The following RMDN2 variants were observed in gnomAD, a reference collection of about 807,000 sequenced individuals.
RMDN2 encodes regulator of microtubule dynamics 2.
In RMDN2, 61 loss-of-function variants were observed where a neutral mutation model predicts 52.8. That is an observed-to-expected ratio of 1.16 (90% CI 0.94 to 1.43). The LOEUF is 1.43. Among genes scored for constraint, RMDN2 ranks in the 40% most tolerant of loss-of-function variants. RMDN2 has a pLI of 0.00. For missense variants in RMDN2, 592 were observed against 475.3 expected (o/e 1.25, Z -2.28); for synonymous variants, 180 against 153.1 (o/e 1.18, Z -1.30).
intron 5 of RMDN2, among the ~76,000 whole-genome samples, chr2:37,983,239 C>T (rs981771174): frequency 2.6e-5 from 4 of 152,106 alleles, no homozygotes; most frequent in Admixed American, 2.0e-4. Context: ...TGTGGGTTTC[C>T]AAATTTTCAT....
intron 5 of RMDN2, among the ~76,000 whole-genome samples, chr2:37,982,285 A>C (rs1377066941): frequency 6.6e-6 from 1 of 152,202 alleles, no homozygotes. Context: ...TGCCACCAGC[A>C]GGGGGAGCTC....
chr2:37,992,217 A>G (rs1434678267), intron 7 of RMDN2, among the ~76,000 whole-genome samples: 1 of 152,242 alleles, frequency 6.6e-6, no homozygotes, highest in Non-Finnish European at 1.5e-5. Context: ...TAACTAGTCA[A>G]TGAAAGAGGC....
chr2:37,975,151 AAGAAT>A, intron 3 of RMDN2, 56 bp from the exon 4 acceptor site: 1 of 989,512 alleles, frequency 1.0e-6, no homozygotes, highest in Non-Finnish European at 1.6e-6. Flanking sequence ...AGTAGAAAAC[AAGAAT>A]AGAATAGACA....
chr2:38,056,884 G>A (rs1681872770), intron 10 of RMDN2, among the ~76,000 whole-genome samples: 1 of 152,106 alleles, frequency 6.6e-6, no homozygotes, highest in African/African-American at 2.4e-5. Context: ...CCATTTAACT[G>A]CTGCATTCTC....
intron 2 of RMDN2, among the ~76,000 whole-genome samples, chr2:37,953,356 C>A (rs1292290774): frequency 6.6e-6 from 1 of 152,008 alleles, no homozygotes; most frequent in Non-Finnish European, 1.5e-5. Flanking sequence ...TCTACTCTCT[C>A]TCCCTAGCCC....
chr2:37,934,073 T>A (rs1667089311), intron 2 of RMDN2, among the ~76,000 whole-genome samples: 2 of 152,196 alleles, frequency 1.3e-5, no homozygotes. Context: ...AAATATTAAG[T>A]GACAGTTACA....
At chr2:37,961,018 C>G (rs986679187) in intron 2 of RMDN2, among the ~76,000 whole-genome samples, 1 of 152,102 alleles carries the variant, frequency 6.6e-6, no homozygotes, top group Non-Finnish European at 1.5e-5. Context: ...ATATTGGCCC[C>G]CACTCTTTTC....
At chr2:37,983,157 A>T (rs1673557164) in intron 5 of RMDN2, among the ~76,000 whole-genome samples, 1 of 151,752 alleles carries the variant, frequency 6.6e-6, no homozygotes, top group Non-Finnish European at 1.5e-5. Context: ...TCCCACATGC[A>T]TCTGTACCCA....
intron 1 of RMDN2, among the ~76,000 whole-genome samples, chr2:37,927,820 G>A (rs1666409626): frequency 6.6e-6 from 1 of 152,134 alleles, no homozygotes; most frequent in African/African-American, 2.4e-5. Flanking sequence ...TTTTTTTGTA[G>A]AATACATTTA....
intron 2 of RMDN2, among the ~76,000 whole-genome samples, chr2:37,946,367 T>A (rs997683847): frequency 4.6e-5 from 7 of 152,090 alleles, no homozygotes; most frequent in Non-Finnish European, 1.0e-4. Context: ...ACTGACACAT[T>A]TGAGGAAGAA....
chr2:38,017,248 A>G lies in RMDN2; in HGVS notation c.*9A>G, dbSNP rs1213586354. 1.3e-6 allele frequency: 2 copies of G among 1,527,228 alleles called. No homozygotes were observed. Among genetic ancestry groups the G allele is most frequent in the South Asian group, 1.3e-5 (1 of 79,478 alleles). The allele number at this position is 1,527,228 out of a possible 1,614,324, so 94.6% of individuals were successfully genotyped here. Reference sequence around the variant, plus strand: ...CTTCCTTGAAGAGGTAAATAAACGAATTTACTCTTCAACAAATCAGATGTG... The same window carrying G: ...CTTCCTTGAAGAGGTAAATAAACGAGTTTACTCTTCAACAAATCAGATGTG... On this transcript the variant is annotated 3_prime_UTR_variant, in exon 11 of 11. Coordinates refer to ENST00000354545, the MANE Select transcript of RMDN2 (RefSeq NM_001170791.3).
rs543302518 is a variant in RMDN2 at position 38,029,530 on chromosome 2, G to A, written c.1713+25314G>A. ...TTACCTTTGTATCTCCTGCCTGGCA[G>A]CCTGTGCTCAATTAACATTTGTTAA... On this transcript the variant is annotated intron_variant, in intron 10 of 10. Transcript: ENST00000234195. 5 of 151,780 alleles carry A rather than the reference G, an allele frequency of 3.3e-5. No individual in the cohort carries two copies. In the South Asian group the frequency reaches 8.3e-4, roughly 25 times the overall value. 9.4% of individuals were successfully genotyped at this position (151,780 alleles called of 1,614,324 possible). A position where few individuals can be genotyped will look rare whatever the true frequency, so the allele number is the denominator to read the frequency against.
chr2:37,999,802 A>G (rs1397298246), intron 8 of RMDN2, among the ~76,000 whole-genome samples: 1 of 151,832 alleles, frequency 6.6e-6, no homozygotes, highest in African/African-American at 2.4e-5. Context: ...GTGTCTCTAG[A>G]GCCATCCAGC....
intron 10 of RMDN2, among the ~76,000 whole-genome samples, chr2:38,010,994 T>C (rs1455955858): frequency 1.3e-5 from 2 of 152,214 alleles, no homozygotes; most frequent in African/African-American, 4.8e-5. Context: ...CCTTGTTAGA[T>C]GTAAGACAGC....
intron 10 of RMDN2, among the ~76,000 whole-genome samples, chr2:38,041,220 C>G (rs894859507): frequency 1.3e-5 from 2 of 152,140 alleles, no homozygotes; most frequent in East Asian, 1.9e-4. Flanking sequence ...ACTAAGGCAC[C>G]CAGCAGTGTC....
intron 2 of RMDN2, among the ~76,000 whole-genome samples, chr2:37,950,973 T>C (rs1668703787): frequency 6.6e-6 from 1 of 152,126 alleles, no homozygotes; most frequent in Admixed American, 6.6e-5. Context: ...TTTCAACTTC[T>C]CTTCCCAAGG....
At chr2:37,951,239 CAA>C (rs1558459265) in intron 2 of RMDN2, 3 of 1,580,732 alleles carry the variant, frequency 1.9e-6, no homozygotes, top group East Asian at 4.5e-5. Context: ...TTAGCTGCTG[CAA>C]AGAGGACCAG....
Position 37,950,706 on chromosome 2 carries a change from G to A in RMDN2, c.452+20977G>A, listed in dbSNP as rs577435804. On this transcript the variant is annotated intron_variant, in intron 2 of 10. Transcript: ENST00000354545. ...CCATAATAACTGGATATCCTGGACT[G>A]TCCAGATATTCACTTGAAACATTCT... 7.5e-5 allele frequency: 78 copies of A among 1,033,224 alleles called. No homozygotes were observed. In the African/African-American group the frequency reaches 1.0e-3, roughly 14 times the overall value. 64.0% of individuals were successfully genotyped at this position (1,033,224 alleles called of 1,614,324 possible).
chr2:38,032,571 G>T (rs2125276354), intron 10 of RMDN2, among the ~76,000 whole-genome samples: 1 of 152,348 alleles, frequency 6.6e-6, no homozygotes, highest in Non-Finnish European at 1.5e-5. Flanking sequence ...TGGGCACAGT[G>T]GCTCATGCCT....
Sources: allele counts gnomAD v4.1 joint callset (sites outside exome capture counted in the v4.1 genomes callset), GRCh38; gene constraint gnomAD v4.1.1; transcripts MANE v1.5; gene names NCBI Gene and HGNC (gene_info 2026-07-23, HGNC 2026-07-21).